PTPRN2: variants seen among roughly 807,000 people sequenced by gnomAD.
PTPRN2 encodes protein tyrosine phosphatase receptor type N2.
Under a neutral mutation model 118.8 loss-of-function variants are expected in PTPRN2, and 74 were observed. The ratio of observed to expected loss-of-function variants is 0.62; its 90% CI spans 0.52 to 0.76. PTPRN2 has a LOEUF of 0.76. Among genes scored for constraint, PTPRN2 ranks in the 30% least tolerant of loss-of-function variants. The pLI is 0.00. For missense variants in PTPRN2, 1,481 were observed against 1,394.4 expected (o/e 1.06, Z -0.99); for synonymous variants, 641 against 608.0 (o/e 1.05, Z -0.80).
intron 9 of PTPRN2, among the ~76,000 whole-genome samples, chr7:158,123,350 C>G (rs892642682): frequency 6.6e-6 from 1 of 152,228 alleles, no homozygotes; most frequent in Non-Finnish European, 1.5e-5. Context: ...TGGTGACTGA[C>G]AGGCGCCACA....
intron 2 of PTPRN2, among the ~76,000 whole-genome samples, chr7:158,320,083 TCA>T (rs1480653751): frequency 5.6e-5 from 3 of 53,846 alleles, no homozygotes; most frequent in South Asian, 7.8e-4. Flanking sequence ...ACAGCCTCCC[TCA>T]CACACACTCA....
chr7:158,325,502 G>A (rs570783420), intron 2 of PTPRN2, among the ~76,000 whole-genome samples: 33 of 152,180 alleles, frequency 2.2e-4, no homozygotes, highest in African/African-American at 7.2e-5. Flanking sequence ...TAACCACAAT[G>A]CGCATACCTA....
At chr7:158,107,508 G>A (rs1815781707) in intron 10 of PTPRN2, among the ~76,000 whole-genome samples, 1 of 152,008 alleles carries the variant, frequency 6.6e-6, no homozygotes, top group Non-Finnish European at 1.5e-5. Context: ...GCCACTCTGG[G>A]AACAACAGGC....
chr7:157,788,884 T>C (rs934940605), intron 12 of PTPRN2, among the ~76,000 whole-genome samples: 3 of 152,340 alleles, frequency 2.0e-5, no homozygotes, highest in African/African-American at 7.2e-5. Flanking sequence ...TGGAGGCCGC[T>C]GGAACCACCT....
intron 6 of PTPRN2, among the ~76,000 whole-genome samples, chr7:158,152,118 G>C (rs1456743884): frequency 7.4e-6 from 1 of 135,850 alleles, no homozygotes; most frequent in African/African-American, 2.7e-5. Context: ...AGCTTGCAGT[G>C]AGCCGAGATC....
chr7:158,318,583 ATCCC>A (rs1347734521), intron 2 of PTPRN2, among the ~76,000 whole-genome samples: 1 of 152,162 alleles, frequency 6.6e-6, no homozygotes, highest in Non-Finnish European at 1.5e-5. Context: ...GCCTCTTCCG[ATCCC>A]TGAGGCCAGG....
At chr7:157,604,131 A>AC in intron 15 of PTPRN2, 56 bp from the exon 16 acceptor site, 2 of 1,552,722 alleles carry the variant, frequency 1.3e-6, no homozygotes, top group South Asian at 1.1e-5. Context: ...GCAGTGTGAG[A>AC]CCCCCACTTG....
At chr7:158,166,658 G>C (rs1272217262) in intron 6 of PTPRN2, among the ~76,000 whole-genome samples, 4 of 150,596 alleles carry the variant, frequency 2.7e-5, no homozygotes, top group Non-Finnish European at 4.4e-5. Flanking sequence ...CCTCAGCAGC[G>C]CCTTCTCCAT....
Position 158,130,189 on chromosome 7 carries a change from C to T in PTPRN2, c.1556+3488G>A, listed in dbSNP as rs558725058. Among the ~76,000 whole-genome samples, 10 of 152,348 alleles carry T rather than the reference C, an allele frequency of 6.6e-5. No homozygotes were observed. In the South Asian group the frequency reaches 2.1e-3, roughly 32 times the overall value. ...TAGCATCTGCAGCACAGCGACAGCA[C>T]CAGCCCGAGCACTGCGAGGCTCGCA... On this transcript the variant is annotated intron_variant, in intron 9 of 22. Transcript: ENST00000389418.
In PTPRN2 at chr7:157,874,425, C is replaced by G. The variant is rs563756499; in HGVS notation, c.1788+24248G>C. On this transcript the variant is annotated intron_variant, in intron 12 of 22. Transcript: ENST00000389418. The surrounding 1 kb of genome is among the most constrained non-coding windows in gnomAD (Gnocchi z 5.8). ...CTGTCCCCTCTCTCCTGCCCTGCCC[C>G]GATCCTGCCTCTGCTTCTGTCCACA... Among the ~76,000 whole-genome samples, 50 of 152,342 alleles carry G rather than the reference C, an allele frequency of 3.3e-4. No homozygotes were observed. In the South Asian group the frequency reaches 9.9e-3, roughly 30 times the overall value.
chr7:158,111,229 TCTGA>T (rs1325833502), intron 9 of PTPRN2, among the ~76,000 whole-genome samples: 1 of 152,304 alleles, frequency 6.6e-6, no homozygotes, highest in Non-Finnish European at 1.5e-5. Flanking sequence ...ATGCTGGGAC[TCTGA>T]CTGAGGATGG....
At chr7:157,541,837 G>A (rs771788490) in intron 22 of PTPRN2, among the ~76,000 whole-genome samples, 1 of 152,224 alleles carries the variant, frequency 6.6e-6, no homozygotes, top group Admixed American at 6.5e-5. Context: ...ACATCAGAAA[G>A]TCAAAATAAC....
intron 2 of PTPRN2, among the ~76,000 whole-genome samples, chr7:158,422,628 G>A (rs543938863): frequency 2.3e-4 from 34 of 146,772 alleles, no homozygotes; most frequent in African/African-American, 5.2e-4. Context: ...TGACGCTGCC[G>A]GCTTCTGGGG....
At chr7:158,281,434 C>T (rs1799414771) in intron 3 of PTPRN2, among the ~76,000 whole-genome samples, 1 of 152,198 alleles carries the variant, frequency 6.6e-6, no homozygotes, top group African/African-American at 2.4e-5. Flanking sequence ...TCATCAAGAA[C>T]ATAGTCACCA....
At chr7:157,833,082 C>A (rs1187921532) in intron 12 of PTPRN2, among the ~76,000 whole-genome samples, 1 of 150,398 alleles carries the variant, frequency 6.6e-6, no homozygotes, top group Non-Finnish European at 1.5e-5. Context: ...CGGTGCCCAT[C>A]CATCCTGTAT....
rs1801447048 is a variant in PTPRN2, at chr7:157,598,010, T to G, written c.2419-2695A>C. Among the ~76,000 whole-genome samples, 1 of 152,256 alleles carries G rather than the reference T, an allele frequency of 6.6e-6. No homozygotes were observed. Among genetic ancestry groups the G allele is most frequent in the Non-Finnish European group, 1.5e-5 (1 of 68,048 alleles). Reference sequence around the variant, plus strand: ...GGCCACAGGCAGCCTCCTTGTGGTCTCACGCAGGCTTCGAGGAAAAGTCAA... The same window carrying G: ...GGCCACAGGCAGCCTCCTTGTGGTCGCACGCAGGCTTCGAGGAAAAGTCAA... On this transcript the variant is annotated intron_variant, in intron 16 of 22. Coordinates refer to ENST00000389418, the MANE Select transcript of PTPRN2 (RefSeq NM_002847.5). The surrounding 1 kb of genome is among the most constrained non-coding windows in gnomAD (Gnocchi z 5.2).
intron 11 of PTPRN2, among the ~76,000 whole-genome samples, chr7:157,969,151 T>C (rs4716848): frequency 0.49 from 75,000 of 151,654 alleles, 18,614 homozygotes; most frequent in East Asian, 0.6. Context: ...GCTCTGTCAC[T>C]CAGGCTGGAG....
intron 10 of PTPRN2, among the ~76,000 whole-genome samples, chr7:158,089,680 TC>T: frequency 7.0e-6 from 1 of 143,720 alleles, no homozygotes; most frequent in African/African-American, 2.8e-5. Context: ...CAAACCTTCT[TC>T]CCCTGATGAA....
chr7:157,738,637 T>C (rs1342677966), intron 12 of PTPRN2, among the ~76,000 whole-genome samples: 1 of 152,362 alleles, frequency 6.6e-6, no homozygotes, highest in East Asian at 1.9e-4. Context: ...ATTTGACATT[T>C]TAGGCATTGA....
Sources: allele counts gnomAD v4.1 joint callset (sites outside exome capture counted in the v4.1 genomes callset), GRCh38; gene constraint gnomAD v4.1.1; non-coding constraint Gnocchi (gnomAD v3.1); transcripts MANE v1.5; gene names NCBI Gene and HGNC (gene_info 2026-07-23, HGNC 2026-07-21).